Variants in FHIP1A observed in about 807,000 individuals in gnomAD.
FHIP1A encodes the protein FHF complex subunit HOOK-interacting protein 1A.
In FHIP1A, 61 loss-of-function variants were observed where a neutral mutation model predicts 88.6. The observed-to-expected ratio is 0.69, with a 90% CI of 0.56 to 0.85. The LOEUF is 0.85. Among genes scored for constraint, FHIP1A ranks in the 40% least tolerant of loss-of-function variants. FHIP1A has a pLI of 0.00. For synonymous variants in FHIP1A, 478 were observed against 496.0 expected, an observed-to-expected ratio of 0.96 and a Z score of 0.48; for missense variants, 1,154 against 1,273.5, an observed-to-expected ratio of 0.91 and a Z score of 1.43.
chr4:151,593,175 A>G (rs1051143523), intron 7 of FHIP1A, among the ~76,000 whole-genome samples: 6 of 152,190 alleles, frequency 3.9e-5, no homozygotes, highest in South Asian at 2.1e-4. Context: ...GCCTTGTAGT[A>G]TAGTTTGAAG....
At position 151,570,609 on chromosome 4, in the gene FHIP1A, G is replaced by A. The variant is rs140620851; in HGVS notation, c.105+4245G>A. 4.5e-4 allele frequency among the ~76,000 whole-genome samples: 69 copies of A among 152,230 alleles called. No homozygotes were observed. In the East Asian group the frequency reaches 8.1e-3, roughly 18 times the overall value. On this transcript the variant is annotated intron_variant, in intron 4 of 13. Coordinates refer to ENST00000435205, the MANE Select transcript of FHIP1A (RefSeq NM_001109977.3). ...TGGGACTGCAGAGATGTGCCACTGC[G>A]TGTAGCCCAACCACTTTTTATTAAA...
intron 4 of FHIP1A, among the ~76,000 whole-genome samples, chr4:151,566,873 G>A (rs762882676): frequency 1.3e-5 from 2 of 152,096 alleles, no homozygotes; most frequent in African/African-American, 4.8e-5. Context: ...GAAAATTACC[G>A]AGGTTAAATA....
At chr4:151,622,044 C>G (rs1446677893) in intron 7 of FHIP1A, among the ~76,000 whole-genome samples, 1 of 152,154 alleles carries the variant, frequency 6.6e-6, no homozygotes, top group Non-Finnish European at 1.5e-5. Flanking sequence ...TTATTGATTA[C>G]TCTGAGTACC....
intron 3 of FHIP1A, among the ~76,000 whole-genome samples, chr4:151,516,183 A>C (rs1225052298): frequency 2.0e-5 from 3 of 152,226 alleles, no homozygotes; most frequent in Non-Finnish European, 4.4e-5. Flanking sequence ...CAAACCTGAC[A>C]AAAACAAGCA....
In FHIP1A at chr4:151,578,585, C is replaced by T. The variant is rs114485453; in HGVS notation, c.732+509C>T. Reference sequence around the variant, plus strand: ...ACAGTCAGTTAGTGTGCAGGGGCCACGCTGACAACAACAAATGCTGGCAAG... The same window carrying T: ...ACAGTCAGTTAGTGTGCAGGGGCCATGCTGACAACAACAAATGCTGGCAAG... On this transcript the variant is annotated intron_variant, in intron 5 of 13. Coordinates refer to ENST00000435205, the MANE Select transcript of FHIP1A (RefSeq NM_001109977.3). 7.9e-3 allele frequency among the ~76,000 whole-genome samples: 1,208 copies of T among 152,216 alleles called. 8 individuals carry two copies. The highest frequency in any genetic ancestry group is 0.019 in the African/African-American group (802 of 41,526).
intron 3 of FHIP1A, among the ~76,000 whole-genome samples, chr4:151,488,396 T>G (rs1358444263): frequency 6.6e-6 from 1 of 152,164 alleles, no homozygotes. Flanking sequence ...TGGCATTTGG[T>G]TTTCTGTTCC....
In FHIP1A at chr4:151,409,249, T is replaced by A. The variant is rs1400480745; in HGVS notation, c.-572T>A. ...CGCTCCGACCTTCTCACGACCTACA[T>A]TCTTCCCGGGCACTCCTGAGTTTGA... On this transcript the variant is annotated 5_prime_UTR_variant, in exon 1 of 14. Coordinates refer to ENST00000435205, the MANE Select transcript of FHIP1A (RefSeq NM_001109977.3). 3.3e-5 allele frequency: 5 copies of A among 151,798 alleles called. No homozygotes were observed. Among genetic ancestry groups the A allele is most frequent in the Non-Finnish European group, 7.4e-5 (5 of 67,974 alleles). The allele number at this position is 151,798 out of a possible 1,614,324, so 9.4% of individuals were successfully genotyped here.
intron 2 of FHIP1A, among the ~76,000 whole-genome samples, chr4:151,462,699 T>C (rs1729181617): frequency 6.6e-6 from 1 of 152,156 alleles, no homozygotes; most frequent in African/African-American, 2.4e-5. Flanking sequence ...AGCATAGTCC[T>C]GGAGTGAGCA....
chr4:151,516,861 A>C (rs1175518428), intron 3 of FHIP1A, among the ~76,000 whole-genome samples: 2 of 151,840 alleles, frequency 1.3e-5, no homozygotes, highest in Non-Finnish European at 2.9e-5. Context: ...GTGGGACTGT[A>C]AACTAGTTCA....
chr4:151,453,621 A>G (rs1374059840), intron 1 of FHIP1A, among the ~76,000 whole-genome samples: 1 of 152,174 alleles, frequency 6.6e-6, no homozygotes, highest in Non-Finnish European at 1.5e-5. Flanking sequence ...TAAAAACCTG[A>G]TTTCGGATCA....
intron 3 of FHIP1A, among the ~76,000 whole-genome samples, chr4:151,526,595 G>A (rs1421514461): frequency 2.7e-5 from 4 of 149,276 alleles, no homozygotes; most frequent in Admixed American, 6.6e-5. Flanking sequence ...CGGACGGGGC[G>A]GCTGGCCGGG....
chr4:151,514,804 A>G (rs1011934283), intron 3 of FHIP1A, among the ~76,000 whole-genome samples: 7 of 152,186 alleles, frequency 4.6e-5, no homozygotes, highest in Non-Finnish European at 1.0e-4. Context: ...AAATTATGGC[A>G]ATAATCAATA....
chr4:151,449,892 T>G (rs1338340774), intron 1 of FHIP1A, among the ~76,000 whole-genome samples: 1 of 152,206 alleles, frequency 6.6e-6, no homozygotes, highest in Non-Finnish European at 1.5e-5. Context: ...TTTTTAAACT[T>G]GAGTTTTTCT....
rs1165014402 is a variant in FHIP1A at position 151,667,775 on chromosome 4, G to C, written c.*5021G>C. ...AAGGTTTAAGTTAACCTAGTTCACT[G>C]TTACCTACACAAGTAACAAGACGGC... On this transcript the variant is annotated 3_prime_UTR_variant, in exon 14 of 14. Transcript: ENST00000435205. 1.3e-5 allele frequency among the ~76,000 whole-genome samples: 2 copies of C among 152,158 alleles called. No homozygotes were observed. The highest frequency in any genetic ancestry group is 2.9e-5 in the Non-Finnish European group (2 of 68,042).
chr4:151,526,299 G>T (rs6856392), intron 3 of FHIP1A, among the ~76,000 whole-genome samples: 1 of 151,744 alleles, frequency 6.6e-6, no homozygotes, highest in Non-Finnish European at 1.5e-5. Flanking sequence ...GGTGGTGGCC[G>T]GGCAGAGGAG....
At chr4:151,633,672 T>C (rs891699818) in intron 8 of FHIP1A, among the ~76,000 whole-genome samples, 4 of 152,082 alleles carry the variant, frequency 2.6e-5, no homozygotes, top group East Asian at 3.9e-4. Flanking sequence ...GTCAGTGTAA[T>C]ATACCACATT....
At chr4:151,441,520 T>A (rs1728413056) in intron 1 of FHIP1A, among the ~76,000 whole-genome samples, 1 of 152,170 alleles carries the variant, frequency 6.6e-6, no homozygotes, top group Non-Finnish European at 1.5e-5. Context: ...ATCTCTGAGA[T>A]CAGAGTCTGG....
chr4:151,585,620 C>T (rs1386228774), intron 5 of FHIP1A, among the ~76,000 whole-genome samples: 1 of 152,152 alleles, frequency 6.6e-6, no homozygotes, highest in Non-Finnish European at 1.5e-5. Flanking sequence ...TTCATTGCAT[C>T]CCTGGTTTGA....
chr4:151,439,257 A>G (rs1337446037), intron 1 of FHIP1A, among the ~76,000 whole-genome samples: 1 of 152,188 alleles, frequency 6.6e-6, no homozygotes, highest in East Asian at 1.9e-4. Context: ...GACTGACTCC[A>G]GAGTCTTCCT....
Sources: gnomAD v4.1 joint callset for allele counts (sites outside exome capture counted in the v4.1 genomes callset) on GRCh38, gnomAD v4.1.1 for gene constraint, MANE v1.5 for transcripts, NCBI Gene and HGNC (gene_info 2026-07-23, HGNC 2026-07-21) for gene names.